SNAPC1: variants seen among roughly 807,000 people sequenced by gnomAD.
The protein encoded by SNAPC1 is snRNA-activating protein complex subunit 1.
SNAPC1 carries 42 observed loss-of-function variants against 50.1 expected under a neutral mutation model. The ratio of observed to expected loss-of-function variants is 0.84; its 90% CI spans 0.65 to 1.08. The LOEUF (loss-of-function observed/expected upper bound fraction) is 1.08. Among genes scored for constraint, SNAPC1 ranks in the 50% least tolerant of loss-of-function variants. The pLI is 0.00. For synonymous variants in SNAPC1, 164 were observed against 144.2 expected (o/e 1.14, Z -0.98); for missense variants, 477 against 427.3 (o/e 1.12, Z -1.02).
chr14:61,781,018 G>C (rs2045068065), intron 7 of SNAPC1, among the ~76,000 whole-genome samples: 1 of 152,140 alleles, frequency 6.6e-6, no homozygotes, highest in Non-Finnish European at 1.5e-5. Context: ...AAGTATATGG[G>C]AGGAAGTGCA....
In SNAPC1 at chr14:61,778,063, C is replaced by A; in HGVS notation, c.694-9C>A. The A allele has an allele frequency of 6.7e-7, 1 of 1,501,594 alleles. No individual in the cohort carries two copies. 93.0% of individuals were successfully genotyped at this position (1,501,594 alleles called of 1,614,324 possible). ...TGTATGTGTGTATGTATCTTTTTTG[C>A]TCTTTTAGAATCCATCCTTAAAGTC... On this transcript the variant is annotated splice_polypyrimidine_tract_variant and intron_variant, in intron 5 of 9. Transcript: ENST00000216294.
chr14:61,778,747 G>A, intron 6 of SNAPC1, 101 bp from the exon 7 acceptor site: 1 of 750,268 alleles, frequency 1.3e-6, no homozygotes. Flanking sequence ...ACCCTACATT[G>A]TGTCTGAAAT....
At chr14:61,783,016 C>CTTTTTTTTTTTTTTTTTTTT (rs1191462174) in intron 8 of SNAPC1, among the ~76,000 whole-genome samples, 2 of 125,968 alleles carry the variant, frequency 1.6e-5, no homozygotes, top group African/African-American at 3.1e-5. Context: ...TTTTCCAGTG[C>CTTTTTTTTTTTTTTTTTTTT]ATTTTTTTTT....
At chr14:61,780,216 G>A (rs962922502) in intron 7 of SNAPC1, among the ~76,000 whole-genome samples, 9 of 152,134 alleles carry the variant, frequency 5.9e-5, no homozygotes, top group African/African-American at 1.9e-4. Context: ...CCTACAGAGA[G>A]AATCAGCCAC....
chr14:61,768,574 C>G (rs1321647623), intron 3 of SNAPC1, 62 bp from the exon 4 acceptor site: 2 of 904,780 alleles, frequency 2.2e-6, no homozygotes, highest in African/African-American at 3.4e-5. Flanking sequence ...GCTTATATTT[C>G]AATACTTTTA....
At position 61,795,687 on chromosome 14, in the gene SNAPC1, C is replaced by G. The variant is rs886376506; in HGVS notation, c.*704C>G. On this transcript the variant is annotated 3_prime_UTR_variant, in exon 10 of 10. Coordinates refer to ENST00000216294, the MANE Select transcript of SNAPC1 (RefSeq NM_003082.4). ...TAATAATGTAAATTTCAGAATGTGT[C>G]TCTGGTACAGAATAGTTGATATTAA... 3 of 151,588 alleles carry G rather than the reference C, an allele frequency of 2.0e-5. No homozygotes were observed. The highest frequency in any genetic ancestry group is 7.3e-5 in the African/African-American group (3 of 41,224). The allele number at this position is 151,588 out of a possible 1,614,324, so 9.4% of individuals were successfully genotyped here.
chr14:61,762,981 C>CGTTTTTTTTTTTTTT (rs2044918329), intron 1 of SNAPC1, among the ~76,000 whole-genome samples: 1 of 72,992 alleles, frequency 1.4e-5, no homozygotes, highest in Non-Finnish European at 2.4e-5. Context: ...CCAAAGTTGT[C>CGTTTTTTTTTTTTTT]TTTTTTTTTT....
At chr14:61,792,342 G>A (rs10483747) in intron 8 of SNAPC1, among the ~76,000 whole-genome samples, 23,293 of 152,040 alleles carry the variant, frequency 0.15, 2,151 homozygotes, top group South Asian at 0.32. Context: ...AAAGTCAATC[G>A]CAAATTATGA....
chr14:61,779,022 TAG>T, intron 7 of SNAPC1, 112 bp downstream of exon 7: 1 of 630,252 alleles, frequency 1.6e-6, no homozygotes, highest in Non-Finnish European at 2.8e-6. Context: ...CAAATAATGC[TAG>T]AGAGATTATA....
chr14:61,792,718 C>A, intron 8 of SNAPC1, 89 bp from the exon 9 acceptor site: 1 of 658,068 alleles, frequency 1.5e-6, no homozygotes, highest in Non-Finnish European at 2.5e-6. Flanking sequence ...AATTTTTATG[C>A]TGTAATAATG....
rs145378546 is a variant in SNAPC1, at chr14:61,762,981, C to CTTTTTTTTTTTTTT, written c.128+407_128+420dup. ...TTTTTCCTCCAACAACCAAAGTTGT[C>CTTTTTTTTTTTTTT]TTTTTTTTTTTTTTTTTTTTTTTTT... On this transcript the variant is annotated intron_variant, in intron 1 of 9. Transcript: ENST00000216294. Among the ~76,000 whole-genome samples the CTTTTTTTTTTTTTT allele has an allele frequency of 1.5e-3, 110 of 73,034 alleles. 10 individuals carry two copies. The highest frequency in any genetic ancestry group is 3.1e-3 in the East Asian group (6 of 1,936). The allele number at this position is 73,034 out of a possible 152,430, so 47.9% of individuals were successfully genotyped here. A position where few individuals can be genotyped will look rare whatever the true frequency, so the allele number is the denominator to read the frequency against.
rs1170131670 is a variant in SNAPC1, at chr14:61,769,413, T to C, written c.534+673T>C. Among the ~76,000 whole-genome samples, 53 of 148,644 alleles carry C rather than the reference T, an allele frequency of 3.6e-4. No homozygotes were observed. The East Asian group carries it at 5.0e-3, about 14-fold the overall frequency. ...CTGAGGTTTTTTTTTTTTTTTTTTT[T>C]CTCACACGGAGTCTTGCTCTGTCAC... On this transcript the variant is annotated intron_variant, in intron 4 of 9. Transcript: ENST00000216294.
chr14:61,778,236 A>C, intron 6 of SNAPC1, 96 bp downstream of exon 6: 1 of 649,106 alleles, frequency 1.5e-6, no homozygotes, highest in Non-Finnish European at 2.5e-6. Context: ...ATAAGAGAAA[A>C]TTCTGAATCA....
chr14:61,763,486 C>CTCT, intron 1 of SNAPC1, among the ~76,000 whole-genome samples: 1 of 98,008 alleles, frequency 1.0e-5, no homozygotes, highest in South Asian at 3.8e-4. Context: ...CCAGCAGCTG[C>CTCT]TTTTTTTTTT....
intron 4 of SNAPC1, among the ~76,000 whole-genome samples, chr14:61,775,321 T>C (rs1362360876): frequency 6.6e-6 from 1 of 151,910 alleles, no homozygotes; most frequent in Non-Finnish European, 1.5e-5. Flanking sequence ...GGTGGTTCAA[T>C]CTTGGCTCAC....
At chr14:61,791,240 G>C (rs572662830) in intron 8 of SNAPC1, among the ~76,000 whole-genome samples, 2 of 152,040 alleles carry the variant, frequency 1.3e-5, no homozygotes, top group South Asian at 4.2e-4. Context: ...TCGAACTCCT[G>C]ACCTTGTGAT....
chr14:61,793,937 G>C (rs1415928268), intron 9 of SNAPC1, among the ~76,000 whole-genome samples: 1 of 151,976 alleles, frequency 6.6e-6, no homozygotes, highest in Non-Finnish European at 1.5e-5. Context: ...ATTACAGGTG[G>C]GAGCCACTGC....
At chr14:61,788,003 A>G (rs2045127081) in intron 8 of SNAPC1, among the ~76,000 whole-genome samples, 1 of 152,258 alleles carries the variant, frequency 6.6e-6, no homozygotes, top group Admixed American at 6.5e-5. Context: ...AGGAAAAGAA[A>G]GAAGTTAAAT....
At chr14:61,783,628 C>T (rs1326616081) in intron 8 of SNAPC1, among the ~76,000 whole-genome samples, 4 of 150,378 alleles carry the variant, frequency 2.7e-5, no homozygotes, top group Non-Finnish European at 4.4e-5. Flanking sequence ...CTCTGCCTCC[C>T]GGGTTCAAGT....
Sources: allele counts gnomAD v4.1 joint callset (sites outside exome capture counted in the v4.1 genomes callset), GRCh38; gene constraint gnomAD v4.1.1; transcripts MANE v1.5; gene names NCBI Gene and HGNC (gene_info 2026-07-23, HGNC 2026-07-21).